Variants in SP6 observed in about 807,000 individuals in gnomAD.
SP6 encodes transcription factor Sp6.
SP6 carries 10 observed loss-of-function variants against 23.4 expected under a neutral mutation model. The observed-to-expected ratio is 0.43, with a 90% CI of 0.26 to 0.72. The LOEUF (loss-of-function observed/expected upper bound fraction) is 0.72, where lower values mean the gene tolerates loss of function less well. SP6 is among the 30% of genes least tolerant of loss of function. The pLI, the probability that SP6 is intolerant of heterozygous loss-of-function variation, is 0.23. For synonymous variants in SP6, 238 were observed against 238.7 expected (o/e 1.00, Z 0.03); for missense variants, 482 against 523.8 (o/e 0.92, Z 0.78).
At chr17:47,861,056 G>T in the SP6 span, among the ~76,000 whole-genome samples, 1 of 152,262 alleles carries the variant, frequency 6.6e-6, no homozygotes, top group Non-Finnish European at 1.5e-5. Context: ...TAGGGGGAAG[G>T]AGGGCAGTGC....
At chr17:47,854,049 C>T (rs1314430875), upstream of SP6, among the ~76,000 whole-genome samples, 1 of 152,232 alleles carries the variant, frequency 6.6e-6, no homozygotes, top group African/African-American at 2.4e-5. Flanking sequence ...CACAGCCCAT[C>T]ACATCTCCTG....
chr17:47,873,314 C>G, the SP6 span, among the ~76,000 whole-genome samples: 10 of 152,142 alleles, frequency 6.6e-5, no homozygotes, highest in African/African-American at 2.4e-4. Flanking sequence ...GACCCATCTG[C>G]AAAGGACTTT....
At chr17:47,853,195 C>T (rs2033974701), upstream of SP6, among the ~76,000 whole-genome samples, 1 of 152,184 alleles carries the variant, frequency 6.6e-6, no homozygotes, top group Non-Finnish European at 1.5e-5. Flanking sequence ...TCTGATCAGT[C>T]GGGGTTTGCT....
At chr17:47,855,138 C>T (rs1025022988), upstream of SP6, among the ~76,000 whole-genome samples, 1 of 152,322 alleles carries the variant, frequency 6.6e-6, no homozygotes, top group South Asian at 2.1e-4. Context: ...CTACCACCAT[C>T]GCTTTTCAGT....
chr17:47,861,375 T>C, the SP6 span, among the ~76,000 whole-genome samples: 1 of 152,204 alleles, frequency 6.6e-6, no homozygotes, highest in Non-Finnish European at 1.5e-5. Flanking sequence ...AAGAGTCAGC[T>C]GATCCCAGGC....
chr17:47,845,140 T>C lies in SP6; in HGVS notation c.*2159A>G, dbSNP rs993514694. 2 of 152,052 alleles carry C rather than the reference T, an allele frequency of 1.3e-5. No individual in the cohort carries two copies. The highest frequency in any genetic ancestry group is 2.4e-5 in the African/African-American group (1 of 41,338). 9.4% of individuals were successfully genotyped at this position (152,052 alleles called of 1,614,324 possible). On this transcript the variant is annotated 3_prime_UTR_variant, in exon 2 of 2. Transcript: ENST00000536300. Reference sequence around the variant, plus strand: ...CATACCTCAGAGCTTGGGGCTTCCATTGGGGGGAGCATCTGTGTCCACCAG... The same window carrying C: ...CATACCTCAGAGCTTGGGGCTTCCACTGGGGGGAGCATCTGTGTCCACCAG...
At chr17:47,874,444 T>C in the SP6 span, among the ~76,000 whole-genome samples, 6 of 152,124 alleles carry the variant, frequency 3.9e-5, no homozygotes, top group Non-Finnish European at 8.8e-5. Context: ...AGGGGGTACA[T>C]GCCTGTAATT....
chr17:47,873,084 G>T, the SP6 span, among the ~76,000 whole-genome samples: 1 of 152,200 alleles, frequency 6.6e-6, no homozygotes, highest in Non-Finnish European at 1.5e-5. Flanking sequence ...AGATTCCAGA[G>T]CTCTGGCCTA....
the SP6 span, chr17:47,864,447 T>C: frequency 6.6e-6 from 1 of 151,598 alleles, no homozygotes; most frequent in Admixed American, 6.6e-5. Context: ...TTTTTTTTTT[T>C]TGTAGAGATG....
chr17:47,866,784 C>T, the SP6 span, among the ~76,000 whole-genome samples: 1 of 152,196 alleles, frequency 6.6e-6, no homozygotes, highest in Non-Finnish European at 1.5e-5. Flanking sequence ...TGGCAACATC[C>T]CCAAATGTTC....
upstream of SP6, chr17:47,851,296 G>C (rs2033954313): frequency 6.6e-6 from 1 of 152,200 alleles, no homozygotes; most frequent in Admixed American, 6.5e-5. Flanking sequence ...GGGGGTGGGC[G>C]GGAGTGGGGG....
At chr17:47,854,301 A>C (rs902414969), upstream of SP6, among the ~76,000 whole-genome samples, 3 of 152,224 alleles carry the variant, frequency 2.0e-5, no homozygotes, top group Admixed American at 6.5e-5. Flanking sequence ...CTTTACACAA[A>C]TATCTCTAAT....
At chr17:47,852,488 C>T (rs2033968075), upstream of SP6, among the ~76,000 whole-genome samples, 1 of 152,164 alleles carries the variant, frequency 6.6e-6, no homozygotes, top group South Asian at 2.1e-4. Flanking sequence ...TTCGTCTCCT[C>T]TGTGCGCTTT....
At chr17:47,868,371 G>A in the SP6 span, among the ~76,000 whole-genome samples, 1 of 152,238 alleles carries the variant, frequency 6.6e-6, no homozygotes, top group Non-Finnish European at 1.5e-5. Flanking sequence ...GCAGAGTGTT[G>A]CAAAGCAGCA....
the SP6 span, among the ~76,000 whole-genome samples, chr17:47,865,554 A>G: frequency 6.6e-6 from 1 of 152,120 alleles, no homozygotes; most frequent in Admixed American, 6.5e-5. Context: ...AGGGGTGAGG[A>G]CAGGAAAGGG....
chr17:47,865,358 G>A, the SP6 span, among the ~76,000 whole-genome samples: 6 of 152,082 alleles, frequency 3.9e-5, no homozygotes, highest in Non-Finnish European at 4.4e-5. Flanking sequence ...GGAGTGAAAC[G>A]GCGCCGTGTC....
At position 47,848,263 on chromosome 17, in the gene SP6, G is replaced by A. The variant is rs527778154; in HGVS notation, c.167C>T (p.Pro56Leu). ...PLQPGELQSL[P>L]LGPEVDFSQG... is the part of the protein sequence containing the mutation. ...CGAGAAGTCCACCTCCGGGCCCAGC[G>A]GGAGGCTCTGCAGCTCTCCAGGCTG... Residue 56 changes from proline (P) to leucine (L), a missense_variant, in exon 2 of 2, where the codon CCG becomes CTG. Around this residue, in one of 3 missense-constraint regions of SP6, gnomAD observed 330 missense variants for 332.3 expected, o/e 0.99. Coordinates refer to ENST00000536300, the MANE Select transcript of SP6 (RefSeq NM_001258248.2). This position sits in a 1 kb window ranked among gnomAD's most constrained non-coding sequence, Gnocchi z 5.3. 1.9e-6 allele frequency: 3 copies of A among 1,611,898 alleles called. No individual in the cohort carries two copies. The highest frequency in any genetic ancestry group is 3.3e-5 in the Admixed American group (2 of 59,936).
At chr17:47,858,359 A>ACTG (rs2143665505), upstream of SP6, among the ~76,000 whole-genome samples, 3 of 151,810 alleles carry the variant, frequency 2.0e-5, no homozygotes, top group African/African-American at 7.3e-5. Flanking sequence ...TGCTTACCTC[A>ACTG]CTGTCCCCCA....
the SP6 span, among the ~76,000 whole-genome samples, chr17:47,868,542 A>G: frequency 1.3e-5 from 2 of 151,818 alleles, no homozygotes; most frequent in East Asian, 3.9e-4. Flanking sequence ...AGTGCTCCTG[A>G]CCTCCACCAA....
Sources: gnomAD v4.1 joint callset for allele counts (sites outside exome capture counted in the v4.1 genomes callset) on GRCh38, gnomAD v4.1.1 for gene constraint, gnomAD v4.1.1 regional missense constraint, Gnocchi (gnomAD v3.1) non-coding constraint, MANE v1.5 for transcripts, NCBI Gene and HGNC (gene_info 2026-07-23, HGNC 2026-07-21) for gene names.